The following PCDHGA6 variants were observed in gnomAD, a reference collection of about 807,000 sequenced individuals.
PCDHGA6 encodes protocadherin gamma-A6.
Under a neutral mutation model 60.6 loss-of-function variants are expected in PCDHGA6, and 41 were observed. The observed-to-expected ratio is 0.68, with a 90% CI of 0.53 to 0.88. The LOEUF is 0.88. PCDHGA6 is among the 40% of genes least tolerant of loss of function. PCDHGA6 has a pLI of 0.00. For synonymous variants in PCDHGA6, 594 were observed against 524.4 expected, an observed-to-expected ratio of 1.13 and a Z score of -1.81; for missense variants, 1,312 against 1,203.0, an observed-to-expected ratio of 1.09 and a Z score of -1.34.
intron 1 of PCDHGA6, chr5:141,421,090 G>C (rs552694052): frequency 1.5e-6 from 1 of 661,192 alleles, no homozygotes; most frequent in Admixed American, 3.2e-5. Context: ...CACAGATCCT[G>C]ACACTGGAGA....
chr5:141,395,538 TTGTTTG>T (rs1338769311), intron 1 of PCDHGA6: 4 of 225,774 alleles, frequency 1.8e-5, no homozygotes, highest in African/African-American at 1.7e-4. Flanking sequence ...AATTTTGCTA[TTGTTTG>T]TGTGTGTGTG....
intron 2 of PCDHGA6, among the ~76,000 whole-genome samples, chr5:141,500,779 T>C (rs1222392685): frequency 1.3e-5 from 2 of 152,238 alleles, no homozygotes; most frequent in Non-Finnish European, 2.9e-5. Context: ...TGAATATACA[T>C]ATTATTTTAC....
rs1157577123 is a variant in PCDHGA6, at chr5:141,375,281, A to G, written c.1198A>G (p.Asn400Asp). The G allele has an allele frequency of 1.9e-6, 3 of 1,613,848 alleles. No individual in the cohort carries two copies. Among genetic ancestry groups the G allele is most frequent in the Admixed American group, 3.3e-5 (2 of 60,028 alleles). Residue 400 changes from asparagine to aspartate, a missense_variant, in exon 1 of 4, where the codon AAT becomes GAT. Transcript: ENST00000517434. The stretch of plus-strand genomic sequence containing the variant: ...ATTTGAATTGGAAAAATCAGTTGGC[A>G]ATTATTATCGATTAGTGACAAATGC... ...LPFELEKSVG[N>D]YYRLVTNAAL...
At chr5:141,474,332 G>A (rs1427828070) in intron 1 of PCDHGA6, among the ~76,000 whole-genome samples, 1 of 152,168 alleles carries the variant, frequency 6.6e-6, no homozygotes, top group Non-Finnish European at 1.5e-5. Flanking sequence ...TCACCCTGAT[G>A]TTTTGTTAAA....
intron 2 of PCDHGA6, among the ~76,000 whole-genome samples, chr5:141,504,999 T>C (rs1278633184): frequency 6.6e-6 from 1 of 152,000 alleles, no homozygotes; most frequent in African/African-American, 2.4e-5. Context: ...CCGTCTGTAC[T>C]AAAAATACAA....
chr5:141,443,478 C>T (rs2098390426), intron 1 of PCDHGA6, among the ~76,000 whole-genome samples: 1 of 152,052 alleles, frequency 6.6e-6, no homozygotes, highest in East Asian at 1.9e-4. Context: ...AGAATTAGAC[C>T]CTGTCCCAAA....
chr5:141,376,476 T>C lies in PCDHGA6; in HGVS notation c.2393T>C (p.Leu798Pro), dbSNP rs1772728633. The C allele has an allele frequency of 1.2e-5, 19 of 1,614,192 alleles. No homozygotes were observed. Among genetic ancestry groups the C allele is most frequent in the Middle Eastern group, 1.6e-4 (1 of 6,062 alleles). The change falls in exon 1 of 4, where the codon CTT becomes CCT. Residue 798 changes from leucine (L) to proline (P), a missense_variant. Leu to Pro is a moderately conservative substitution (Grantham distance 98, BLOSUM62 -3). Coordinates refer to ENST00000517434, the MANE Select transcript of PCDHGA6 (RefSeq NM_018919.3). ...SEPLLITQDLLETKGEPRQLQ... is the reference protein window; with the variant it reads ...SEPLLITQDLPETKGEPRQLQ... ...CCTCTTCTGATAACTCAGGATTTAC[T>C]TGAAACGAAAGGAGAACCCAGGCAA... is the stretch of plus-strand genomic sequence containing the variant.
chr5:141,507,937 A>T (rs2154594220), intron 3 of PCDHGA6: 1 of 152,420 alleles, frequency 6.6e-6, no homozygotes, highest in Admixed American at 6.5e-5. Context: ...AGAGGGGTTA[A>T]GTAAGAGGGA....
rs1770761999 is a variant in PCDHGA6 at position 141,374,711 on chromosome 5, C to G, written c.628C>G (p.Leu210Val). The G allele has an allele frequency of 4.3e-6, 7 of 1,609,366 alleles. No homozygotes were observed. The highest frequency in any genetic ancestry group is 5.1e-6 in the Non-Finnish European group (6 of 1,177,720). ...LDREGEAVYR[L>V]VLTAMDGGDP... ...CCGGGAAGGAGAAGCCGTTTACCGC[C>G]TGGTCCTTACTGCCATGGATGGCGG... Residue 210 changes from leucine to valine, a missense_variant, in exon 1 of 4, where the codon CTG becomes GTG. Physicochemically the swap from Leu to Val is conservative, Grantham distance 32 (BLOSUM62 1). Coordinates refer to ENST00000517434, the MANE Select transcript of PCDHGA6 (RefSeq NM_018919.3).
Position 141,424,520 on chromosome 5 carries a change from A to T in PCDHGA6, c.2424+48013A>T, listed in dbSNP as rs527395935. ...GTATGGAAGGTTTTTTAATGTAGTA[A>T]ATCCATATATAGAAATAACTTGATT... is the stretch of plus-strand genomic sequence containing the variant. On this transcript the variant is annotated intron_variant, in intron 1 of 3. Coordinates refer to ENST00000517434, the MANE Select transcript of PCDHGA6 (RefSeq NM_018919.3). 15 of 152,286 alleles carry T rather than the reference A, an allele frequency of 9.8e-5. No individual in the cohort carries two copies. In the East Asian group the frequency reaches 2.9e-3, roughly 29 times the overall value. The allele number at this position is 152,286 out of a possible 1,614,324, so 9.4% of individuals were successfully genotyped here. A position where few individuals can be genotyped will look rare whatever the true frequency, so the allele number is the denominator to read the frequency against.
chr5:141,405,319 GC>G, intron 1 of PCDHGA6: 1 of 1,614,176 alleles, frequency 6.2e-7, no homozygotes, highest in Non-Finnish European at 8.5e-7. Context: ...AGAAAAATGA[GC>G]CTTTGTGCGT....
intron 2 of PCDHGA6, 62 bp downstream of exon 2, chr5:141,494,927 G>C: frequency 6.2e-7 from 1 of 1,613,516 alleles, no homozygotes; most frequent in Non-Finnish European, 8.5e-7. Context: ...GATGACGTGG[G>C]AGGAGATGGG....
rs534845593 is a variant in PCDHGA6, at chr5:141,478,216, G to A, written c.2425-16591G>A. On this transcript the variant is annotated intron_variant, in intron 1 of 3. Coordinates refer to ENST00000517434, the MANE Select transcript of PCDHGA6 (RefSeq NM_018919.3). ...TTTATCTACTTCTTTCTCTAATCCTGGTTTCTGTGGGGTTTGTGGTCACAG... is the reference window on the plus strand; with the variant it reads ...TTTATCTACTTCTTTCTCTAATCCTAGTTTCTGTGGGGTTTGTGGTCACAG... 414 of 1,614,090 alleles carry A rather than the reference G, an allele frequency of 2.6e-4. 9 individuals carry two copies. In the South Asian group the frequency reaches 4.4e-3, roughly 17 times the overall value.
At chr5:141,418,800 G>A in intron 1 of PCDHGA6, 1 of 1,613,800 alleles carries the variant, frequency 6.2e-7, no homozygotes, top group African/African-American at 1.3e-5. Context: ...GAAGTAGAAA[G>A]ATATACGATA....
intron 1 of PCDHGA6, chr5:141,413,734 C>A: frequency 6.2e-7 from 1 of 1,613,422 alleles, no homozygotes; most frequent in Non-Finnish European, 8.5e-7. Context: ...CCTAAGAGTT[C>A]AGAGCCGTGC....
chr5:141,487,718 A>G lies in PCDHGA6; in HGVS notation c.2425-7089A>G. Reference sequence around the variant, plus strand: ...TACTGGCCTCTCAGTAAGTGCCCATAGTGATGTCACCATTTTTGTAAGAGG... The same window carrying G: ...TACTGGCCTCTCAGTAAGTGCCCATGGTGATGTCACCATTTTTGTAAGAGG... On this transcript the variant is annotated intron_variant, in intron 1 of 3. Coordinates refer to ENST00000517434, the MANE Select transcript of PCDHGA6 (RefSeq NM_018919.3). The surrounding 1 kb of genome is among the most constrained non-coding windows in gnomAD (Gnocchi z 5.0). The G allele has an allele frequency of 1.3e-6, 2 of 1,580,268 alleles. No individual in the cohort carries two copies. The highest frequency in any genetic ancestry group is 1.7e-6 in the Non-Finnish European group (2 of 1,161,186).
At chr5:141,455,013 C>T (rs1468289988) in intron 1 of PCDHGA6, among the ~76,000 whole-genome samples, 2 of 151,130 alleles carry the variant, frequency 1.3e-5, no homozygotes, top group African/African-American at 4.9e-5. Context: ...GGGGTTTCAC[C>T]GTGTTAGCCA....
intron 1 of PCDHGA6, chr5:141,393,973 G>T (rs776954838): frequency 4.3e-6 from 7 of 1,613,668 alleles, no homozygotes; most frequent in Non-Finnish European, 5.1e-6. Context: ...TGTTACACAC[G>T]TGATAATTTA....
rs764070772 is a variant in PCDHGA6, at chr5:141,476,415, C to T, written c.2425-18392C>T. ...CTGGATCGAGAGGAGCTGTGTGGGACACTGCCCTCTTGCACTGTAACTCTG... is the reference window on the plus strand; with the variant it reads ...CTGGATCGAGAGGAGCTGTGTGGGATACTGCCCTCTTGCACTGTAACTCTG... On this transcript the variant is annotated intron_variant, in intron 1 of 3. Transcript: ENST00000517434. This position sits in a 1 kb window ranked among gnomAD's most constrained non-coding sequence, Gnocchi z 7.6. 2.5e-6 allele frequency: 4 copies of T among 1,614,098 alleles called. No homozygotes were observed. The South Asian group carries it at 4.4e-5, about 18-fold the overall frequency.
Sources: allele counts gnomAD v4.1 joint callset (sites outside exome capture counted in the v4.1 genomes callset), GRCh38; gene constraint gnomAD v4.1.1; non-coding constraint Gnocchi (gnomAD v3.1); transcripts MANE v1.5; gene names NCBI Gene and HGNC (gene_info 2026-07-23, HGNC 2026-07-21).